The following NUP153 variants were observed in gnomAD, a reference collection of about 807,000 sequenced individuals.
The protein encoded by NUP153 is nuclear pore complex protein Nup153.
NUP153 carries 27 observed loss-of-function variants against 134.6 expected under a neutral mutation model. The ratio of observed to expected loss-of-function variants is 0.20; its 90% confidence interval spans 0.15 to 0.28. The LOEUF (loss-of-function observed/expected upper bound fraction) is 0.28. Ranked by LOEUF, NUP153 falls within the 10% of genes least tolerant of loss-of-function variation. The probability of loss-of-function intolerance (pLI) is 1.00; values close to 1 mark genes in which losing one functional copy is unlikely to be tolerated. For missense variants in NUP153, 1,821 were observed against 1,731.3 expected, an observed-to-expected ratio of 1.05 and a Z score of -0.92; for synonymous variants, 640 against 623.5, an observed-to-expected ratio of 1.03 and a Z score of -0.40.
At chr6:17,686,170 AAAGAAAG>A (rs1768910648) in intron 2 of NUP153, among the ~76,000 whole-genome samples, 1 of 151,786 alleles carries the variant, frequency 6.6e-6, no homozygotes, top group Non-Finnish European at 1.5e-5. Context: ...AGAAAGAAAG[AAAGAAAG>A]AAAAAGCCAA....
At chr6:17,698,018 C>G (rs1442290318) in intron 1 of NUP153, among the ~76,000 whole-genome samples, 1 of 152,162 alleles carries the variant, frequency 6.6e-6, no homozygotes, top group Non-Finnish European at 1.5e-5. Flanking sequence ...CCCTTTTCTT[C>G]ACATTATCCT....
At chr6:17,685,548 CA>C (rs71536744) in intron 2 of NUP153, among the ~76,000 whole-genome samples, 32,693 of 98,608 alleles carry the variant, frequency 0.33, 3,477 homozygotes, top group Non-Finnish European at 0.37. Flanking sequence ...GACTCCGTCT[CA>C]AAAAAAAAAA....
chr6:17,637,830 TTTGA>T, intron 15 of NUP153, 60 bp from the exon 16 acceptor site: 1 of 1,511,146 alleles, frequency 6.6e-7, no homozygotes, highest in Non-Finnish European at 8.8e-7. Flanking sequence ...AAAGCATTAA[TTTGA>T]TTATTATTAC....
intron 11 of NUP153, among the ~76,000 whole-genome samples, chr6:17,660,489 C>T (rs1767111328): frequency 6.6e-6 from 1 of 151,916 alleles, no homozygotes; most frequent in Non-Finnish European, 1.5e-5. Context: ...TTAAATCTGT[C>T]CCTATCTTTT....
chr6:17,689,700 T>A (rs1769164258), intron 1 of NUP153, among the ~76,000 whole-genome samples: 1 of 151,764 alleles, frequency 6.6e-6, no homozygotes, highest in Non-Finnish European at 1.5e-5. Flanking sequence ...TAATTTTGTA[T>A]TTTTAGTAGA....
chr6:17,706,237 T>C lies in NUP153; in HGVS notation c.111+40A>G. The stretch of plus-strand genomic sequence containing the variant: ...ACCGCCCGTCCCCTCCAGCCGAGTT[T>C]CCCCACCCGCCAGGCCACCGCGGCG... On this transcript the variant is annotated intron_variant, in intron 1 of 21. Coordinates refer to ENST00000262077, the MANE Select transcript of NUP153 (RefSeq NM_005124.4). This position sits in a 1 kb window ranked among gnomAD's most constrained non-coding sequence, Gnocchi z 5.9. 1 of 1,535,548 alleles carries C rather than the reference T, an allele frequency of 6.5e-7. No homozygotes were observed. Among genetic ancestry groups the C allele is most frequent in the Non-Finnish European group, 9.0e-7 (1 of 1,110,232 alleles).
rs559716391 is a variant in NUP153, at chr6:17,650,935, ATAAAG to A, written c.1396-1640_1396-1636del. 1.3e-3 allele frequency among the ~76,000 whole-genome samples: 194 copies of A among 152,334 alleles called. 1 individual carries two copies. The highest frequency in any genetic ancestry group is 4.4e-3 in the African/African-American group (185 of 41,586). On this transcript the variant is annotated intron_variant, in intron 11 of 21. Coordinates refer to ENST00000262077, the MANE Select transcript of NUP153 (RefSeq NM_005124.4). ...TTACAGGATGTGGTATGAAAGTAAC[ATAAAG>A]TAATCTGAAAAACATTATGGAAGAC...
At chr6:17,668,076 T>A (rs1230513023) in intron 8 of NUP153, among the ~76,000 whole-genome samples, 1 of 146,926 alleles carries the variant, frequency 6.8e-6, no homozygotes, top group Non-Finnish European at 1.5e-5. Context: ...GAACTTTTTT[T>A]TTTTTTTTTT....
At chr6:17,683,921 G>C (rs1348216895) in intron 2 of NUP153, among the ~76,000 whole-genome samples, 1 of 152,098 alleles carries the variant, frequency 6.6e-6, no homozygotes, top group African/African-American at 2.4e-5. Context: ...TTGGAAGTGG[G>C]GTCATGGGAA....
At chr6:17,676,717 A>C (rs1768242805) in intron 2 of NUP153, among the ~76,000 whole-genome samples, 1 of 152,162 alleles carries the variant, frequency 6.6e-6, no homozygotes, top group Admixed American at 6.6e-5. Flanking sequence ...GGTGAGCCCT[A>C]CGATTACCCA....
At position 17,691,308 on chromosome 6, in the gene NUP153, CCTTTTT is replaced by C. The variant is rs547072265; in HGVS notation, c.112-2696_112-2691del. 4.6e-5 allele frequency among the ~76,000 whole-genome samples: 7 copies of C among 152,248 alleles called. No individual in the cohort carries two copies. In the East Asian group the frequency reaches 1.3e-3, roughly 29 times the overall value. On this transcript the variant is annotated intron_variant, in intron 1 of 21. Coordinates refer to ENST00000262077, the MANE Select transcript of NUP153 (RefSeq NM_005124.4). ...ACTGAACAACACCAATTCACTGTTC[CCTTTTT>C]CTTTGCTAATATTACACAGTATTAG...
chr6:17,657,773 T>C (rs1315014497), intron 11 of NUP153, among the ~76,000 whole-genome samples: 1 of 149,158 alleles, frequency 6.7e-6, no homozygotes, highest in Non-Finnish European at 1.5e-5. Context: ...GGTATATGAA[T>C]CAGATATTAG....
chr6:17,677,251 G>A (rs1768273838), intron 2 of NUP153, among the ~76,000 whole-genome samples: 2 of 152,068 alleles, frequency 1.3e-5, no homozygotes. Flanking sequence ...TACATCTACA[G>A]AAGTTCAAAA....
intron 13 of NUP153, among the ~76,000 whole-genome samples, chr6:17,647,291 G>GA (rs1263394030): frequency 1.3e-5 from 2 of 151,998 alleles, no homozygotes; most frequent in Non-Finnish European, 2.9e-5. Flanking sequence ...AATCATGAAA[G>GA]AAAAAAATGC....
At chr6:17,631,092 A>G (rs1765228469) in intron 17 of NUP153, among the ~76,000 whole-genome samples, 1 of 152,212 alleles carries the variant, frequency 6.6e-6, no homozygotes, top group Non-Finnish European at 1.5e-5. Context: ...GTGTTTTTCA[A>G]ACTGCTAGTT....
At chr6:17,646,250 C>T in intron 13 of NUP153, 96 bp from the exon 14 acceptor site, 1 of 591,078 alleles carries the variant, frequency 1.7e-6, no homozygotes, top group Non-Finnish European at 2.9e-6. Flanking sequence ...CTCTGTCGCC[C>T]AGGCTGGAGT....
Position 17,629,376 on chromosome 6 carries a change from C to T in NUP153, c.2823G>A (p.Gly941=). The T allele has an allele frequency of 6.2e-7, 1 of 1,613,742 alleles. No individual in the cohort carries two copies. The highest frequency in any genetic ancestry group is 8.5e-7 in the Non-Finnish European group (1 of 1,179,864). The change falls in exon 18 of 22, where the codon GGG becomes GGA. Residue 941 remains glycine, a synonymous_variant. Transcript: ENST00000262077. ...GFKIGVSSDS[G]SINPMSEGFK... The stretch of plus-strand genomic sequence containing the variant: ...AGCCTTCACTCATGGGGTTTATAGA[C>T]CCAGAATCGGATGACACACCTATTT...
Position 17,661,719 on chromosome 6 carries a change from A to G in NUP153, c.1329T>C (p.Gly443=), listed in dbSNP as rs1184812733. The G allele has an allele frequency of 1.2e-6, 2 of 1,613,978 alleles. No homozygotes were observed. Among genetic ancestry groups the G allele is most frequent in the Admixed American group, 1.7e-5 (1 of 60,006 alleles). The stretch of plus-strand genomic sequence containing the variant: ...CTCGTCTCATCTTGCCACCTCCACC[A>G]CCTACTCCAGAAGATAAACCATTGG... The part of the protein sequence containing the change: ...PAANGLSSGV[G]GGGGKMRRER... Residue 443 remains glycine, a synonymous_variant, in exon 11 of 22, where the codon GGT becomes GGC. Transcript: ENST00000262077.
chr6:17,632,634 AT>A lies in NUP153; in HGVS notation c.2659+15del, dbSNP rs1581675954. On this transcript the variant is annotated intron_variant, in intron 17 of 21. Transcript: ENST00000262077. ...GCGCTTTACCATCACCTTTATTTTT[AT>A]TTTTTTGGCCTTACCTTTAAACCCA... The A allele has an allele frequency of 1.2e-5, 19 of 1,570,034 alleles. No homozygotes were observed. Among genetic ancestry groups the A allele is most frequent in the South Asian group, 2.4e-5 (2 of 84,430 alleles).
Sources: allele counts gnomAD v4.1 joint callset (sites outside exome capture counted in the v4.1 genomes callset), GRCh38; gene constraint gnomAD v4.1.1; non-coding constraint Gnocchi (gnomAD v3.1); transcripts MANE v1.5; gene names NCBI Gene and HGNC (gene_info 2026-07-23, HGNC 2026-07-21).